ELF2: variants seen among roughly 807,000 people sequenced by gnomAD.
The protein encoded by ELF2 is E74 like ETS transcription factor 2.
A neutral mutation model predicts 54.8 loss-of-function variants in ELF2; 11 were observed. The observed-to-expected ratio is 0.20, with a 90% CI of 0.13 to 0.33. The LOEUF (loss-of-function observed/expected upper bound fraction) is 0.33, where lower values mean the gene tolerates loss of function less well. Among genes scored for constraint, ELF2 ranks in the 10% least tolerant of loss-of-function variants. The pLI is 1.00. For missense variants in ELF2, 513 were observed against 703.0 expected, an observed-to-expected ratio of 0.73 and a Z score of 3.06; for synonymous variants, 203 against 245.1, an observed-to-expected ratio of 0.83 and a Z score of 1.61.
chr4:139,102,859 T>G (rs1244572148), intron 4 of ELF2, among the ~76,000 whole-genome samples: 1 of 151,994 alleles, frequency 6.6e-6, no homozygotes, highest in African/African-American at 2.4e-5. Flanking sequence ...AGAAGTATCT[T>G]TTTGCTAACT....
chr4:139,084,039 C>G (rs1270542448), intron 4 of ELF2: 2 of 1,596,682 alleles, frequency 1.3e-6, no homozygotes, highest in Non-Finnish European at 1.7e-6. Flanking sequence ...CACTGTACCC[C>G]CAGCACAGAC....
chr4:139,073,505 C>T lies in ELF2; in HGVS notation c.301G>A (p.Ala101Thr), dbSNP rs772685731. Residue 101 changes from alanine to threonine, a missense_variant, in exon 5 of 10, where the codon GCC (alanine) becomes ACC (threonine). By Grantham distance (58) the Ala-to-Thr change is moderately conservative. Coordinates refer to ENST00000686138, the MANE Select transcript of ELF2 (RefSeq NM_001331036.3). ...GTAGGAGATTCCATATGAAGCAGGG[C>T]TTCAGCAGCTTCAATTGTCTTATCT... is the stretch of plus-strand genomic sequence containing the variant. ...CTDKTIEAAE[A>T]LLHMESPTCL... is the part of the protein sequence containing the mutation. 1 of 1,609,680 alleles carries T rather than the reference C, an allele frequency of 6.2e-7. No individual in the cohort carries two copies. The highest frequency in any genetic ancestry group is 2.2e-5 in the East Asian group (1 of 44,786).
chr4:139,164,738 T>A (rs1008108695), intron 1 of ELF2, among the ~76,000 whole-genome samples: 1 of 152,200 alleles, frequency 6.6e-6, no homozygotes, highest in South Asian at 2.1e-4. Flanking sequence ...GGTTTTTATG[T>A]TTATTTCAGA....
intron 4 of ELF2, among the ~76,000 whole-genome samples, chr4:139,099,707 T>C (rs963685020): frequency 2.6e-5 from 4 of 152,238 alleles, no homozygotes; most frequent in African/African-American, 9.6e-5. Flanking sequence ...CTCACATTAA[T>C]GCCAGATTTT....
chr4:139,081,885 CTGTA>C (rs1731161775), intron 4 of ELF2, among the ~76,000 whole-genome samples: 2 of 150,416 alleles, frequency 1.3e-5, no homozygotes, highest in South Asian at 4.2e-4. Flanking sequence ...TTGAAAATAA[CTGTA>C]TGTAAAACAT....
rs1190748587 is a variant in ELF2 at position 139,059,623 on chromosome 4, G to A, written c.1158-16C>T. The A allele has an allele frequency of 1.3e-6, 2 of 1,588,520 alleles. No individual in the cohort carries two copies. The highest frequency in any genetic ancestry group is 1.3e-5 in the African/African-American group (1 of 74,108). On this transcript the variant is annotated splice_polypyrimidine_tract_variant and intron_variant, in intron 9 of 9. Transcript: ENST00000686138. ...ACGAACTGTCCTAGTACATTAGAAA[G>A]AAAAAAGCTGATTATATTTAATGCC... is the stretch of plus-strand genomic sequence containing the variant.
intron 5 of ELF2, 34 bp from the exon 6 acceptor site, chr4:139,072,073 A>G (rs1407342875): frequency 6.3e-7 from 1 of 1,598,004 alleles, no homozygotes; most frequent in African/African-American, 1.4e-5. Flanking sequence ...AAAATTTCCC[A>G]CCCCCATCAA....
At position 139,060,824 on chromosome 4, in the gene ELF2, A is replaced by G. The variant is rs574205674; in HGVS notation, c.807-150T>C. 54 of 689,774 alleles carry G rather than the reference A, an allele frequency of 7.8e-5. No individual in the cohort carries two copies. In the Middle Eastern group the frequency reaches 1.7e-3, roughly 21 times the overall value. The allele number at this position is 689,774 out of a possible 1,614,324, so 42.7% of individuals were successfully genotyped here. Reference sequence around the variant, plus strand: ...AGAAAAAAACAAACTCTTACTGCCTAGATTGCTCAAAAGGTTACAAATTTA... The same window carrying G: ...AGAAAAAAACAAACTCTTACTGCCTGGATTGCTCAAAAGGTTACAAATTTA... On this transcript the variant is annotated intron_variant, in intron 8 of 9. Transcript: ENST00000686138.
chr4:139,155,137 G>A (rs1689128243), intron 1 of ELF2: 1 of 152,238 alleles, frequency 6.6e-6, no homozygotes, highest in African/African-American at 2.4e-5. Context: ...CTTCAGATGA[G>A]AATATAGTAC....
At chr4:139,153,031 T>G (rs1740174903) in intron 1 of ELF2, among the ~76,000 whole-genome samples, 1 of 152,020 alleles carries the variant, frequency 6.6e-6, no homozygotes, top group Admixed American at 6.6e-5. Context: ...CAAGCAGTTT[T>G]GTGCATTCTT....
chr4:139,078,564 A>G (rs1730637368), intron 4 of ELF2, among the ~76,000 whole-genome samples: 1 of 149,314 alleles, frequency 6.7e-6, no homozygotes, highest in South Asian at 2.1e-4. Flanking sequence ...AAGGAAAAAG[A>G]ATGGCAATTC....
rs114231838 is a variant in ELF2 at position 139,152,182 on chromosome 4, A to G, written c.-251-12685T>C. 1.1e-3 allele frequency among the ~76,000 whole-genome samples: 166 copies of G among 152,350 alleles called. 1 individual carries two copies. The highest frequency in any genetic ancestry group is 3.8e-3 in the African/African-American group (158 of 41,576). On this transcript the variant is annotated intron_variant, in intron 1 of 9. Coordinates refer to ENST00000686138, the MANE Select transcript of ELF2 (RefSeq NM_001331036.3). The stretch of plus-strand genomic sequence containing the variant: ...GTATAAATTTGCCACTCATAAAAAT[A>G]TAAGAGTGAATTTTACTACATGTAA...
intron 4 of ELF2, among the ~76,000 whole-genome samples, chr4:139,104,991 G>C (rs1055293694): frequency 6.6e-6 from 1 of 152,160 alleles, no homozygotes; most frequent in African/African-American, 2.4e-5. Context: ...AGGCTAGAAA[G>C]CATGTGTTAT....
chr4:139,072,550 G>A lies in ELF2; in HGVS notation c.353-511C>T, dbSNP rs1000022125. Among the ~76,000 whole-genome samples, 3 of 152,134 alleles carry A rather than the reference G, an allele frequency of 2.0e-5. No individual in the cohort carries two copies. In the South Asian group the frequency reaches 6.2e-4, roughly 31 times the overall value. On this transcript the variant is annotated intron_variant, in intron 5 of 9. Coordinates refer to ENST00000686138, the MANE Select transcript of ELF2 (RefSeq NM_001331036.3). ...TGAAAAGGAAAACTTGCTCATTACA[G>A]ACAAGAAATATTACCTTTCGGTATT...
intron 4 of ELF2, among the ~76,000 whole-genome samples, chr4:139,079,515 C>T (rs74322930): frequency 0.072 from 10,968 of 152,240 alleles, 459 homozygotes; most frequent in African/African-American, 0.12. Flanking sequence ...TTTTGAGAAG[C>T]GCAGCTGTAA....
intron 4 of ELF2, chr4:139,084,208 A>T: frequency 3.1e-6 from 5 of 1,612,894 alleles, no homozygotes; most frequent in Non-Finnish European, 4.2e-6. Flanking sequence ...CCGGGGCTGG[A>T]GCTGCTGCTT....
At chr4:139,083,753 ACAG>A (rs913773172) in intron 4 of ELF2, among the ~76,000 whole-genome samples, 5 of 152,188 alleles carry the variant, frequency 3.3e-5, no homozygotes, top group African/African-American at 1.2e-4. Flanking sequence ...CCGAGAGACA[ACAG>A]CCTCACTCAC....
chr4:139,120,331 T>C (rs1398513440), intron 4 of ELF2, among the ~76,000 whole-genome samples: 2 of 152,202 alleles, frequency 1.3e-5, no homozygotes, highest in African/African-American at 4.8e-5. Flanking sequence ...TACTACCTTG[T>C]TTTAATATTT....
chr4:139,089,107 T>C (rs1310859621), intron 4 of ELF2, among the ~76,000 whole-genome samples: 3 of 152,310 alleles, frequency 2.0e-5, no homozygotes, highest in East Asian at 3.9e-4. Flanking sequence ...GCATATCAAG[T>C]CTTGATTTAC....
Sources: allele counts gnomAD v4.1 joint callset (sites outside exome capture counted in the v4.1 genomes callset), GRCh38; gene constraint gnomAD v4.1.1; transcripts MANE v1.5; gene names NCBI Gene and HGNC (gene_info 2026-07-23, HGNC 2026-07-21).